IWS1: variants seen among roughly 807,000 people sequenced by gnomAD.
IWS1 encodes interacts with SUPT6H, CTD assembly factor 1, also known as protein IWS1 homolog.
In IWS1, 27 loss-of-function variants were observed where a neutral mutation model predicts 86.7. The ratio of observed to expected loss-of-function variants is 0.31; its 90% CI spans 0.23 to 0.43. The LOEUF is 0.43. IWS1 is among the 20% of genes least tolerant of loss of function. IWS1 has a pLI of 1.00. For synonymous variants in IWS1, 313 were observed against 335.1 expected (o/e 0.93, Z 0.72); for missense variants, 827 against 1,000.8 (o/e 0.83, Z 2.34).
intron 2 of IWS1, among the ~76,000 whole-genome samples, chr2:127,522,967 T>C (rs531647498): frequency 1.3e-5 from 2 of 152,210 alleles, no homozygotes; most frequent in Non-Finnish European, 2.9e-5. Context: ...CCTAGCACTT[T>C]GAGAGGCTGA....
chr2:127,483,582 G>GGGGGGGGGGGGGGGGGGGTTGGGC (rs1689758558), intron 13 of IWS1, among the ~76,000 whole-genome samples: 2 of 45,714 alleles, frequency 4.4e-5, no homozygotes, highest in Non-Finnish European at 4.4e-5. Flanking sequence ...GGGGCGGGGG[G>GGGGGGGGGGGGGGGGGGGTTGGGC]TGGTGGGGTG....
chr2:127,526,129 G>A (rs1317500917), intron 1 of IWS1, 46 bp downstream of exon 1: 2 of 1,559,740 alleles, frequency 1.3e-6, no homozygotes, highest in Non-Finnish European at 1.7e-6. Flanking sequence ...GCCCCGCCGA[G>A]TAACTGCTCC....
In IWS1 at chr2:127,505,351, G is replaced by A. The variant is rs774327536; in HGVS notation, c.552C>T (p.Asp184=). The A allele has an allele frequency of 3.1e-6, 5 of 1,614,002 alleles. No homozygotes were observed. The South Asian group carries it at 5.5e-5, about 18-fold the overall frequency. ...GCCTTGGGGGTTCCTCACTCTCAGA[G>A]TCACTGATTTGAGGTTTTAGAGCAT... The part of the protein sequence containing the change: ...TEDALKPQIS[D]SESEEPPRHQ... Residue 184 remains aspartate (D), a synonymous_variant, in exon 3 of 14, where the codon GAC becomes GAT. Transcript: ENST00000295321. This position sits in a 1 kb window ranked among gnomAD's most constrained non-coding sequence, Gnocchi z 5.0.
chr2:127,523,713 G>A lies in IWS1; in HGVS notation c.113C>T (p.Ser38Phe). Residue 38 changes from serine (S) to phenylalanine (F), a missense_variant, in exon 2 of 14, where the codon TCC becomes TTC. Ser to Phe is a radical substitution (Grantham distance 155). Transcript: ENST00000295321. The stretch of plus-strand genomic sequence containing the variant: ...TTCTACACTTCCAGTGTCTGATCCG[G>A]AGTGTTGCTCATTTACATCATCCTC... ...DGEDDVNEQH[S>F]GSDTGSVERH... 6.2e-7 allele frequency: 1 copy of A among 1,613,822 alleles called. No individual in the cohort carries two copies. Among genetic ancestry groups the A allele is most frequent in the Non-Finnish European group, 8.5e-7 (1 of 1,179,826 alleles).
intron 2 of IWS1, among the ~76,000 whole-genome samples, chr2:127,516,729 G>A (rs1052800516): frequency 1.4e-4 from 22 of 152,102 alleles, no homozygotes; most frequent in African/African-American, 5.3e-4. Flanking sequence ...TCACATGCCC[G>A]CTGTGTCAAA....
chr2:127,497,812 T>C (rs900315787), intron 6 of IWS1, among the ~76,000 whole-genome samples: 1 of 152,210 alleles, frequency 6.6e-6, no homozygotes, highest in Admixed American at 6.5e-5. Flanking sequence ...GTTAGACTAT[T>C]TCCCCTGCCC....
At chr2:127,509,294 G>A (rs1691314235) in intron 2 of IWS1, among the ~76,000 whole-genome samples, 1 of 152,088 alleles carries the variant, frequency 6.6e-6, no homozygotes, top group African/African-American at 2.4e-5. Flanking sequence ...AGTCAGATGA[G>A]TACAACAAAC....
chr2:127,491,462 A>G lies in IWS1; in HGVS notation c.2047+509T>C, dbSNP rs978438793. Among the ~76,000 whole-genome samples the G allele has an allele frequency of 1.2e-4, 18 of 145,470 alleles. 1 individual carries two copies. The highest frequency in any genetic ancestry group is 4.6e-4 in the African/African-American group (18 of 38,980). ...TTTACTTGCAATTTTTTTTTTTTTGAGACGGAGTCTCGCTCTTGTTGCCCA... is the reference window on the plus strand; with the variant it reads ...TTTACTTGCAATTTTTTTTTTTTTGGGACGGAGTCTCGCTCTTGTTGCCCA... On this transcript the variant is annotated intron_variant, in intron 10 of 13. Coordinates refer to ENST00000295321, the MANE Select transcript of IWS1 (RefSeq NM_017969.3).
At position 127,523,734 on chromosome 2, in the gene IWS1, T is replaced by C; in HGVS notation, c.92A>G (p.Asp31Gly). The change falls in exon 2 of 14, where the codon GAT (aspartate) becomes GGT (glycine). Residue 31 changes from aspartate to glycine, a missense_variant. Physicochemically the swap from Asp to Gly is moderately conservative, Grantham distance 94. Transcript: ENST00000295321. The stretch of plus-strand genomic sequence containing the variant: ...TCCGGAGTGTTGCTCATTTACATCA[T>C]CCTCACCGTCTGACCCTGAATCCCG... ...DERDSGSDGE[D>G]DVNEQHSGSD... 6.2e-7 allele frequency: 1 copy of C among 1,614,086 alleles called. No homozygotes were observed. The highest frequency in any genetic ancestry group is 8.5e-7 in the Non-Finnish European group (1 of 1,180,006).
chr2:127,488,297 C>T lies in IWS1; in HGVS notation c.2216+882G>A, dbSNP rs140641360. 6.1e-3 allele frequency among the ~76,000 whole-genome samples: 933 copies of T among 152,362 alleles called. 12 individuals are homozygous for T. The highest frequency in any genetic ancestry group is 0.022 in the African/African-American group (897 of 41,582). ...GGTCTCTAGCCCAAACATCTCTTTACAAGTTCTAGACCCATAATATTTATA... is the reference window on the plus strand; with the variant it reads ...GGTCTCTAGCCCAAACATCTCTTTATAAGTTCTAGACCCATAATATTTATA... On this transcript the variant is annotated intron_variant, in intron 12 of 13. Coordinates refer to ENST00000295321, the MANE Select transcript of IWS1 (RefSeq NM_017969.3).
chr2:127,491,727 A>G (rs1690237550), intron 10 of IWS1, among the ~76,000 whole-genome samples: 1 of 152,124 alleles, frequency 6.6e-6, no homozygotes, highest in Non-Finnish European at 1.5e-5. Flanking sequence ...ACAGGCGTTA[A>G]GCCACCACAC....
intron 8 of IWS1, among the ~76,000 whole-genome samples, chr2:127,494,269 A>C (rs1690395953): frequency 6.6e-6 from 1 of 150,578 alleles, no homozygotes. Context: ...AAAAAAAAGC[A>C]AATCAATGAA....
intron 2 of IWS1, among the ~76,000 whole-genome samples, chr2:127,523,300 A>G (rs1455619971): frequency 6.6e-6 from 1 of 152,218 alleles, no homozygotes. Flanking sequence ...TTGACAGGTG[A>G]TAACCCCCAT....
rs1256293562 is a variant in IWS1 at position 127,489,649 on chromosome 2, G to A, written c.2159+183C>T. The A allele has an allele frequency of 3.4e-6, 2 of 580,058 alleles. No individual in the cohort carries two copies. The highest frequency in any genetic ancestry group is 6.1e-6 in the Non-Finnish European group (2 of 327,068). The allele number at this position is 580,058 out of a possible 1,614,324, so 35.9% of individuals were successfully genotyped here. The stretch of plus-strand genomic sequence containing the variant: ...CTGACCCAGAAAGGTCTGGTTAGGA[G>A]GACAGGACCCTCACTATACACTATC... On this transcript the variant is annotated intron_variant, in intron 11 of 13. Coordinates refer to ENST00000295321, the MANE Select transcript of IWS1 (RefSeq NM_017969.3). This position sits in a 1 kb window ranked among gnomAD's most constrained non-coding sequence, Gnocchi z 4.8.
Position 127,505,924 on chromosome 2 carries a change from G to T in IWS1, c.151-172C>A. The T allele has an allele frequency of 2.1e-6, 1 of 480,906 alleles. No individual in the cohort carries two copies. Among genetic ancestry groups the T allele is most frequent in the East Asian group, 3.2e-5 (1 of 31,028 alleles). The allele number at this position is 480,906 out of a possible 1,614,324, so 29.8% of individuals were successfully genotyped here. A position where few individuals can be genotyped will look rare whatever the true frequency, so the allele number is the denominator to read the frequency against. On this transcript the variant is annotated intron_variant, in intron 2 of 13. Coordinates refer to ENST00000295321, the MANE Select transcript of IWS1 (RefSeq NM_017969.3). This position sits in a 1 kb window ranked among gnomAD's most constrained non-coding sequence, Gnocchi z 5.0. ...ACACCCCCACAGAAAGCCAATCAGT[G>T]AAATGGTTTTATTTGGATCCCCAAA...
At chr2:127,482,153 G>A (rs1028504384) in intron 13 of IWS1, 1 of 152,168 alleles carries the variant, frequency 6.6e-6, no homozygotes. Flanking sequence ...ATTTACTACT[G>A]AATCACCTCT....
chr2:127,525,539 T>C (rs1244485573), intron 1 of IWS1, among the ~76,000 whole-genome samples: 1 of 152,236 alleles, frequency 6.6e-6, no homozygotes, highest in Non-Finnish European at 1.5e-5. Flanking sequence ...CACCAGGTTC[T>C]GCCTCACTTA....
intron 6 of IWS1, among the ~76,000 whole-genome samples, chr2:127,496,473 A>C (rs967586570): frequency 6.6e-6 from 1 of 151,764 alleles, no homozygotes; most frequent in Non-Finnish European, 1.5e-5. Context: ...ACATTCACTC[A>C]TCACTCACCC....
At chr2:127,487,423 A>G (rs1406140414) in intron 12 of IWS1, among the ~76,000 whole-genome samples, 1 of 152,246 alleles carries the variant, frequency 6.6e-6, no homozygotes, top group Admixed American at 6.5e-5. Context: ...AAGCCTATCT[A>G]TGGATGCCTG....
Sources: allele counts gnomAD v4.1 joint callset (sites outside exome capture counted in the v4.1 genomes callset), GRCh38; gene constraint gnomAD v4.1.1; non-coding constraint Gnocchi (gnomAD v3.1); transcripts MANE v1.5; gene names NCBI Gene and HGNC (gene_info 2026-07-23, HGNC 2026-07-21).